Variants in LRRC8E observed in about 807,000 individuals in gnomAD.
LRRC8E encodes the protein volume-regulated anion channel subunit LRRC8E.
Under a neutral mutation model 6.1 loss-of-function variants are expected in LRRC8E, and 6 were observed. The ratio of observed to expected loss-of-function variants is 0.98; its 90% CI spans 0.54 to 1.93. The LOEUF (loss-of-function observed/expected upper bound fraction) is 1.93. LRRC8E is among the 30% of genes most tolerant of loss of function. LRRC8E has a pLI of 0.01. For missense variants in LRRC8E, 1,028 were observed against 1,031.4 expected (o/e 1.00, Z 0.04); for synonymous variants, 485 against 472.8 (o/e 1.03, Z -0.33).
chr19:7,890,935 G>T (rs866490747), intron 1 of LRRC8E, among the ~76,000 whole-genome samples: 11 of 152,298 alleles, frequency 7.2e-5, no homozygotes, highest in Admixed American at 2.0e-4. Flanking sequence ...GACCTCAAAT[G>T]ATCTGCCTAC....
In LRRC8E at chr19:7,895,750, C is replaced by G. The variant is rs370474124; in HGVS notation, c.138+9C>G. ...TTGGCTGCACCCTCCAGGTGAGGCCCTCCCCTGGCAAGGGGGTGTGACCAG... is the reference window on the plus strand; with the variant it reads ...TTGGCTGCACCCTCCAGGTGAGGCCGTCCCCTGGCAAGGGGGTGTGACCAG... On this transcript the variant is annotated intron_variant, in intron 2 of 2. Transcript: ENST00000306708. This position sits in a 1 kb window ranked among gnomAD's most constrained non-coding sequence, Gnocchi z 4.7. 2 of 1,611,088 alleles carry G rather than the reference C, an allele frequency of 1.2e-6. No individual in the cohort carries two copies. The highest frequency in any genetic ancestry group is 1.3e-5 in the African/African-American group (1 of 74,828).
rs867873097 is a variant in LRRC8E at position 7,902,012 on chromosome 19, T to C, written c.*1099T>C. The C allele has an allele frequency of 8.5e-5, 13 of 152,316 alleles. No homozygotes were observed. The highest frequency in any genetic ancestry group is 2.4e-4 in the African/African-American group (10 of 41,572). 9.4% of individuals were successfully genotyped at this position (152,316 alleles called of 1,614,324 possible). A position where few individuals can be genotyped will look rare whatever the true frequency, so the allele number is the denominator to read the frequency against. On this transcript the variant is annotated 3_prime_UTR_variant, in exon 3 of 3. Coordinates refer to ENST00000306708, the MANE Select transcript of LRRC8E (RefSeq NM_025061.6). Reference sequence around the variant, plus strand: ...GGTGCTTAATAAATAATACTAATTATGCAAGTTCTAGTTTTGATCTCTTAT... The same window carrying C: ...GGTGCTTAATAAATAATACTAATTACGCAAGTTCTAGTTTTGATCTCTTAT...
Position 7,898,217 on chromosome 19 carries a change from CA to C in LRRC8E, c.139-430del, listed in dbSNP as rs111279318. On this transcript the variant is annotated intron_variant, in intron 2 of 2. Transcript: ENST00000306708. ...AGACTCTTGTCTCAAAAAAAAAAACCAAAAAAAAAAAAAACAGTGCTTAGAG... is the reference window on the plus strand; with the variant it reads ...AGACTCTTGTCTCAAAAAAAAAAACCAAAAAAAAAAAAACAGTGCTTAGAG... Among the ~76,000 whole-genome samples the C allele has an allele frequency of 5.8e-3, 741 of 127,404 alleles. 5 individuals carry two copies. The highest frequency in any genetic ancestry group is 9.3e-3 in the Non-Finnish European group (557 of 59,966). 83.6% of individuals were successfully genotyped at this position (127,404 alleles called of 152,430 possible). A position where few individuals can be genotyped will look rare whatever the true frequency, so the allele number is the denominator to read the frequency against.
In LRRC8E at chr19:7,899,969, C is replaced by T. The variant is rs746298255; in HGVS notation, c.1447C>T (p.Arg483Trp). Residue 483 changes from arginine (R) to tryptophan (W), a missense_variant, in exon 3 of 3, where the codon CGG becomes TGG. Arg to Trp is a moderately radical substitution (Grantham distance 101, BLOSUM62 -3). Transcript: ENST00000306708. ...RLPFSLQVFL[R>W]DHLKVMRVKC... Reference sequence around the variant, plus strand: ...ACCCTTCTCCTTGCAGGTCTTCCTGCGGGACCACCTGAAGGTGATGCGCGT... The same window carrying T: ...ACCCTTCTCCTTGCAGGTCTTCCTGTGGGACCACCTGAAGGTGATGCGCGT... 2.2e-5 allele frequency: 35 copies of T among 1,609,214 alleles called. No homozygotes were observed. The highest frequency in any genetic ancestry group is 1.7e-5 in the Admixed American group (1 of 59,894).
chr19:7,890,956 C>G (rs1445544059), intron 1 of LRRC8E, among the ~76,000 whole-genome samples: 2 of 152,242 alleles, frequency 1.3e-5, no homozygotes, highest in Admixed American at 1.3e-4. Context: ...CTTGGCCTCC[C>G]AAAGTGTTGG....
intron 1 of LRRC8E, among the ~76,000 whole-genome samples, chr19:7,889,754 C>T (rs377732967): frequency 3.3e-4 from 40 of 120,968 alleles, no homozygotes; most frequent in Non-Finnish European, 4.5e-4. Flanking sequence ...CTCTCTCTCT[C>T]TTTTTTTTTT....
rs767925498 is a variant in LRRC8E at position 7,900,941 on chromosome 19, G to C, written c.*28G>C. ...CTGGGGTGGGGCCGTTTTAGGTAGA[G>C]CCTTAAAAATGCTTCTGCCCTGGAA... On this transcript the variant is annotated 3_prime_UTR_variant, in exon 3 of 3. Coordinates refer to ENST00000306708, the MANE Select transcript of LRRC8E (RefSeq NM_025061.6). This position sits in a 1 kb window ranked among gnomAD's most constrained non-coding sequence, Gnocchi z 5.0. 6.2e-6 allele frequency: 9 copies of C among 1,462,328 alleles called. No individual in the cohort carries two copies. The South Asian group carries it at 1.2e-4, about 20-fold the overall frequency. 90.6% of individuals were successfully genotyped at this position (1,462,328 alleles called of 1,614,324 possible). A position where few individuals can be genotyped will look rare whatever the true frequency, so the allele number is the denominator to read the frequency against.
chr19:7,900,864 T>G lies in LRRC8E; in HGVS notation c.2342T>G (p.Leu781Arg). The change falls in exon 3 of 3, where the codon CTT (leucine) becomes CGT (arginine). Residue 781 changes from leucine (L) to arginine (R), a missense_variant. Leu to Arg is a moderately radical substitution (Grantham distance 102). Transcript: ENST00000306708. This position sits in a 1 kb window ranked among gnomAD's most constrained non-coding sequence, Gnocchi z 5.0. Reference sequence around the variant, plus strand: ...GCGGGGCTCCTGGTGGAAGACACGCTTTACCAGGGTCTGCCGGCAGAAGTG... The same window carrying G: ...GCGGGGCTCCTGGTGGAAGACACGCGTTACCAGGGTCTGCCGGCAGAAGTG... ...KKAGLLVEDT[L>R]YQGLPAEVRD... The G allele has an allele frequency of 6.5e-7, 1 of 1,541,766 alleles. No individual in the cohort carries two copies. The highest frequency in any genetic ancestry group is 8.7e-7 in the Non-Finnish European group (1 of 1,146,616).
chr19:7,900,429 G>A lies in LRRC8E; in HGVS notation c.1907G>A (p.Arg636Lys), dbSNP rs1981928622. 1 of 1,612,984 alleles carries A rather than the reference G, an allele frequency of 6.2e-7. No homozygotes were observed. Among genetic ancestry groups the A allele is most frequent in the Non-Finnish European group, 8.5e-7 (1 of 1,179,956 alleles). ...FQHCRKLVTL[R>K]LWHNQIAYVP... is the part of the protein sequence containing the mutation. ...CACTGCCGGAAGCTGGTCACGCTCA[G>A]GCTGTGGCACAACCAGATCGCCTAC... The change falls in exon 3 of 3, where the codon AGG (arginine) becomes AAG (lysine). Residue 636 changes from arginine (R) to lysine (K), a missense_variant. By Grantham distance (26) the Arg-to-Lys change is conservative (BLOSUM62 2). Transcript: ENST00000306708. This position sits in a 1 kb window ranked among gnomAD's most constrained non-coding sequence, Gnocchi z 5.0.
intron 1 of LRRC8E, among the ~76,000 whole-genome samples, chr19:7,894,191 G>A (rs2044451851): frequency 1.3e-5 from 2 of 152,098 alleles, no homozygotes; most frequent in South Asian, 4.1e-4. Flanking sequence ...CCTCCTTCTT[G>A]GCCCAACTCC....
At chr19:7,894,434 C>T (rs1030473785) in intron 1 of LRRC8E, among the ~76,000 whole-genome samples, 1 of 152,146 alleles carries the variant, frequency 6.6e-6, no homozygotes, top group Non-Finnish European at 1.5e-5. Context: ...ACCATGTTGG[C>T]CTCACTGGTC....
In LRRC8E at chr19:7,899,463, TC is replaced by T; in HGVS notation, c.942del (p.Cys315ValfsTer79). 1 of 1,614,158 alleles carries T rather than the reference TC, an allele frequency of 6.2e-7. No homozygotes were observed. On this transcript the variant is annotated frameshift_variant, in exon 3 of 3. Transcript: ENST00000306708. LOFTEE classifies it low-confidence loss of function (END_TRUNC). ...GCCCACCTCTTCTCCAAGCTGGCCT[TC>T]TGTTACATCTCCTTTGTGTGCATCT... ...TKAHLFSKLA[F>X]CYISFVCIYG...
Position 7,900,976 on chromosome 19 carries a change from T to C in LRRC8E, c.*63T>C, listed in dbSNP as rs1981979345. The C allele has an allele frequency of 1.5e-6, 2 of 1,327,748 alleles. No homozygotes were observed. Among genetic ancestry groups the C allele is most frequent in the Non-Finnish European group, 2.0e-6 (2 of 1,006,292 alleles). The allele number at this position is 1,327,748 out of a possible 1,614,324, so 82.2% of individuals were successfully genotyped here. On this transcript the variant is annotated 3_prime_UTR_variant, in exon 3 of 3. Coordinates refer to ENST00000306708, the MANE Select transcript of LRRC8E (RefSeq NM_025061.6). This position sits in a 1 kb window ranked among gnomAD's most constrained non-coding sequence, Gnocchi z 5.0. ...TGCTTCTGCCCTGGAATCTCAACCA[T>C]TGTCTTCCAAGATAGGAAGCCAAGT...
chr19:7,895,641 A>G lies in LRRC8E; in HGVS notation c.38A>G (p.Gln13Arg). ...GCCGAGTTCAAGCAGTTCACGGAACAGCAGCCTGCGTTCAAGGTGCTCAAA... is the reference window on the plus strand; with the variant it reads ...GCCGAGTTCAAGCAGTTCACGGAACGGCAGCCTGCGTTCAAGGTGCTCAAA... ...PVAEFKQFTE[Q>R]QPAFKVLKPW... is the part of the protein sequence containing the mutation. The change falls in exon 2 of 3, where the codon CAG becomes CGG. Residue 13 changes from glutamine (Q) to arginine (R), a missense_variant. By Grantham distance (43) the Gln-to-Arg change is conservative. Transcript: ENST00000306708. This position sits in a 1 kb window ranked among gnomAD's most constrained non-coding sequence, Gnocchi z 4.7. 3.7e-6 allele frequency: 6 copies of G among 1,614,120 alleles called. No individual in the cohort carries two copies. Among genetic ancestry groups the G allele is most frequent in the South Asian group, 1.1e-5 (1 of 91,084 alleles).
At position 7,898,906 on chromosome 19, in the gene LRRC8E, C is replaced by A. The variant is rs1265486116; in HGVS notation, c.384C>A (p.Ile128=). Residue 128 remains isoleucine (I), a synonymous_variant, in exon 3 of 3, where the codon ATC becomes ATA. Coordinates refer to ENST00000306708, the MANE Select transcript of LRRC8E (RefSeq NM_025061.6). ...FPYLVVIHTL[I]FMVCTSFWFK... The stretch of plus-strand genomic sequence containing the variant: ...ACCTCGTGGTCATTCACACACTCAT[C>A]TTCATGGTCTGCACCAGTTTCTGGT... The A allele has an allele frequency of 6.2e-6, 10 of 1,614,110 alleles. No individual in the cohort carries two copies. The highest frequency in any genetic ancestry group is 6.8e-6 in the Non-Finnish European group (8 of 1,180,052).
In LRRC8E at chr19:7,901,016, A is replaced by T; in HGVS notation, c.*103A>T. ...GGAAGCCAAGTGGGTCCAGGCCAGG[A>T]GATGGGGGGGGCGGGGGCAGCTGTG... is the stretch of plus-strand genomic sequence containing the variant. On this transcript the variant is annotated 3_prime_UTR_variant, in exon 3 of 3. Transcript: ENST00000306708. 2.6e-5 allele frequency: 10 copies of T among 378,894 alleles called. No individual in the cohort carries two copies. Among genetic ancestry groups the T allele is most frequent in the Non-Finnish European group, 3.6e-5 (8 of 221,040 alleles). The allele number at this position is 378,894 out of a possible 1,614,324, so 23.5% of individuals were successfully genotyped here.
Position 7,895,576 on chromosome 19 carries a change from C to G in LRRC8E, c.-5-23C>G. ...CATCCTGAGGGTCTCTCTCTACACC[C>G]CCCGTCTCGTCCCGTCCCACAGGCA... On this transcript the variant is annotated intron_variant, in intron 1 of 2. Coordinates refer to ENST00000306708, the MANE Select transcript of LRRC8E (RefSeq NM_025061.6). The surrounding 1 kb of genome is among the most constrained non-coding windows in gnomAD (Gnocchi z 4.7). 1 of 1,605,858 alleles carries G rather than the reference C, an allele frequency of 6.2e-7. No homozygotes were observed.
chr19:7,895,464 C>A lies in LRRC8E; in HGVS notation c.-5-135C>A. 1 of 1,071,658 alleles carries A rather than the reference C, an allele frequency of 9.3e-7. No homozygotes were observed. 66.4% of individuals were successfully genotyped at this position (1,071,658 alleles called of 1,614,324 possible). A position where few individuals can be genotyped will look rare whatever the true frequency, so the allele number is the denominator to read the frequency against. ...AGGCTAAGAGGGAAGTGGGGGCACA[C>A]ACTTTGGTGGTTTGGACAAGTTTGG... On this transcript the variant is annotated intron_variant, in intron 1 of 2. Transcript: ENST00000306708. This position sits in a 1 kb window ranked among gnomAD's most constrained non-coding sequence, Gnocchi z 4.7.
At position 7,899,107 on chromosome 19, in the gene LRRC8E, G is replaced by C. The variant is rs745621642; in HGVS notation, c.585G>C (p.Pro195=). The change falls in exon 3 of 3, where the codon CCG becomes CCC. Residue 195 remains proline, a synonymous_variant. Transcript: ENST00000306708. ...ATIVAMAGTG[P]GKAGEGEKEK... is the part of the protein sequence containing the mutation. The stretch of plus-strand genomic sequence containing the variant: ...TAGTGGCCATGGCAGGGACCGGGCC[G>C]GGGAAGGCAGGGGAGGGTGAGAAGG... 1 of 1,612,888 alleles carries C rather than the reference G, an allele frequency of 6.2e-7. No individual in the cohort carries two copies.
Sources: gnomAD v4.1 joint callset for allele counts (sites outside exome capture counted in the v4.1 genomes callset) on GRCh38, gnomAD v4.1.1 for gene constraint, Gnocchi (gnomAD v3.1) non-coding constraint, MANE v1.5 for transcripts, NCBI Gene and HGNC (gene_info 2026-07-23, HGNC 2026-07-21) for gene names.